DENND1A: variants seen among roughly 807,000 people sequenced by gnomAD.
DENND1A encodes the protein DENN domain containing 1A, also known as DENN domain-containing protein 1A.
A neutral mutation model predicts 113.7 loss-of-function variants in DENND1A; 51 were observed. The observed-to-expected ratio is 0.45, with a 90% CI of 0.36 to 0.57. DENND1A has a LOEUF of 0.57. Among genes scored for constraint, DENND1A ranks in the 20% least tolerant of loss-of-function variants. DENND1A has a pLI of 0.00. For synonymous variants in DENND1A, 565 were observed against 570.8 expected, an observed-to-expected ratio of 0.99 and a Z score of 0.14; for missense variants, 1,258 against 1,395.9, an observed-to-expected ratio of 0.90 and a Z score of 1.57.
chr9:123,826,664 C>G (rs1391523152), intron 2 of DENND1A, among the ~76,000 whole-genome samples: 1 of 152,126 alleles, frequency 6.6e-6, no homozygotes, highest in African/African-American at 2.4e-5. Context: ...TCAAGATACC[C>G]CTTGGCTTCC....
intron 9 of DENND1A, among the ~76,000 whole-genome samples, chr9:123,637,816 C>T (rs1318353175): frequency 6.6e-6 from 1 of 151,972 alleles, no homozygotes; most frequent in Admixed American, 6.6e-5. Context: ...GGGGTAATGG[C>T]AACAATCGTT....
At chr9:123,732,532 T>G (rs1220492670) in intron 5 of DENND1A, among the ~76,000 whole-genome samples, 2 of 152,154 alleles carry the variant, frequency 1.3e-5, no homozygotes, top group Non-Finnish European at 2.9e-5. Flanking sequence ...GAGAAGGGTT[T>G]GACCACACAG....
At chr9:123,515,390 A>C (rs1239130921) in intron 13 of DENND1A, among the ~76,000 whole-genome samples, 1 of 152,242 alleles carries the variant, frequency 6.6e-6, no homozygotes, top group Non-Finnish European at 1.5e-5. Flanking sequence ...CTTCTTAGAA[A>C]ATACAGGCTG....
chr9:123,805,108 G>A (rs141158850), intron 2 of DENND1A, among the ~76,000 whole-genome samples: 1 of 152,192 alleles, frequency 6.6e-6, no homozygotes, highest in African/African-American at 2.4e-5. Flanking sequence ...AAGGAATAAG[G>A]CATGTGCTAT....
intron 1 of DENND1A, among the ~76,000 whole-genome samples, chr9:123,905,964 T>C (rs909090690): frequency 1.3e-5 from 2 of 150,444 alleles, no homozygotes; most frequent in African/African-American, 2.5e-5. Context: ...GAAGTAAAGC[T>C]CTCCTCAGCA....
chr9:123,560,471 G>T (rs1364302096), intron 12 of DENND1A, among the ~76,000 whole-genome samples: 1 of 152,154 alleles, frequency 6.6e-6, no homozygotes, highest in Non-Finnish European at 1.5e-5. Context: ...AGGATCGTTT[G>T]AGGCCAGGAG....
At chr9:123,870,777 C>T (rs1487822140) in intron 2 of DENND1A, among the ~76,000 whole-genome samples, 2 of 151,962 alleles carry the variant, frequency 1.3e-5, no homozygotes, top group Non-Finnish European at 2.9e-5. Flanking sequence ...TGTGGTTGTC[C>T]AACCTGGGCA....
At chr9:123,522,820 G>A (rs534198272) in intron 13 of DENND1A, among the ~76,000 whole-genome samples, 1 of 152,214 alleles carries the variant, frequency 6.6e-6, no homozygotes, top group Non-Finnish European at 1.5e-5. Context: ...GAGACGTCCC[G>A]GATGCTGTCA....
At position 123,687,910 on chromosome 9, in the gene DENND1A, C is replaced by T. The variant is rs574757914; in HGVS notation, c.303-11121G>A. Reference sequence around the variant, plus strand: ...AAAATTATTTGTACACAATTAATTACATGGAAGCCCAGCAATCCTGAAGAG... The same window carrying T: ...AAAATTATTTGTACACAATTAATTATATGGAAGCCCAGCAATCCTGAAGAG... On this transcript the variant is annotated intron_variant, in intron 5 of 23. Transcript: ENST00000394215. Among the ~76,000 whole-genome samples the T allele has an allele frequency of 1.6e-4, 24 of 152,334 alleles. No homozygotes were observed. In the East Asian group the frequency reaches 3.9e-3, roughly 24 times the overall value.
At chr9:123,598,776 G>A (rs905533849) in intron 11 of DENND1A, among the ~76,000 whole-genome samples, 2 of 151,922 alleles carry the variant, frequency 1.3e-5, no homozygotes, top group Non-Finnish European at 2.9e-5. Flanking sequence ...TAACCCATTC[G>A]GTCAGTACAA....
chr9:123,596,223 C>G (rs780270689), intron 11 of DENND1A, among the ~76,000 whole-genome samples: 2 of 152,200 alleles, frequency 1.3e-5, no homozygotes, highest in African/African-American at 2.4e-5. Context: ...AACCCCATGC[C>G]AAGCACAGTG....
At chr9:123,918,668 C>A (rs1855680340) in intron 1 of DENND1A, among the ~76,000 whole-genome samples, 1 of 152,048 alleles carries the variant, frequency 6.6e-6, no homozygotes, top group Non-Finnish European at 1.5e-5. Flanking sequence ...TTAATAAAAT[C>A]AAGCATTTAC....
intron 2 of DENND1A, among the ~76,000 whole-genome samples, chr9:123,867,922 C>T (rs76409105): frequency 6.0e-4 from 91 of 152,268 alleles, no homozygotes; most frequent in Admixed American, 5.0e-3. Flanking sequence ...TATTCATAAC[C>T]ATCTTTGCCA....
chr9:123,702,608 C>T (rs139372676), intron 5 of DENND1A, among the ~76,000 whole-genome samples: 297 of 152,208 alleles, frequency 2.0e-3, no homozygotes, highest in African/African-American at 7.1e-3. Flanking sequence ...CACCCAGCAG[C>T]AAACTTCTGA....
chr9:123,478,303 A>G lies in DENND1A; in HGVS notation c.994-20406T>C, dbSNP rs543690239. 3.3e-5 allele frequency among the ~76,000 whole-genome samples: 5 copies of G among 152,338 alleles called. No individual in the cohort carries two copies. In the South Asian group the frequency reaches 1.0e-3, roughly 32 times the overall value. ...GCTTTTGGCGGTTGTTAGGGGAATA[A>G]GCGTCCAGGGCATAGGGCCGAAGTC... On this transcript the variant is annotated intron_variant, in intron 13 of 23. Coordinates refer to ENST00000394215, the MANE Select transcript of DENND1A (RefSeq NM_001352964.2).
At chr9:123,604,770 T>C (rs888072681) in intron 11 of DENND1A, among the ~76,000 whole-genome samples, 1 of 152,168 alleles carries the variant, frequency 6.6e-6, no homozygotes, top group African/African-American at 2.4e-5. Context: ...ACCAATTGTG[T>C]TGAAACTGTC....
intron 2 of DENND1A, among the ~76,000 whole-genome samples, chr9:123,809,626 A>C (rs1395465136): frequency 1.3e-5 from 2 of 152,218 alleles, no homozygotes; most frequent in Admixed American, 6.5e-5. Flanking sequence ...ACAATTATTA[A>C]AGATTTTTCA....
At chr9:123,656,914 C>T (rs2062978499) in intron 8 of DENND1A, among the ~76,000 whole-genome samples, 1 of 152,204 alleles carries the variant, frequency 6.6e-6, no homozygotes, top group Non-Finnish European at 1.5e-5. Context: ...TATTCCTTTC[C>T]TACTCATGGA....
At chr9:123,657,564 G>A (rs189645666) in intron 8 of DENND1A, among the ~76,000 whole-genome samples, 178 of 152,212 alleles carry the variant, frequency 1.2e-3, no homozygotes, top group African/African-American at 4.1e-3. Context: ...ATGCTAGTCC[G>A]CCCCACTGTC....
Sources: gnomAD v4.1 joint callset for allele counts (sites outside exome capture counted in the v4.1 genomes callset) on GRCh38, gnomAD v4.1.1 for gene constraint, MANE v1.5 for transcripts, NCBI Gene and HGNC (gene_info 2026-07-23, HGNC 2026-07-21) for gene names.